The following PAQR5 variants were observed in gnomAD, a reference collection of about 807,000 sequenced individuals.
PAQR5 encodes progestin and adipoQ receptor family member 5, also known as membrane progestin receptor gamma.
PAQR5 carries 20 observed loss-of-function variants against 34.5 expected under a neutral mutation model. The observed-to-expected ratio is 0.58, with a 90% CI of 0.41 to 0.84. PAQR5 has a LOEUF of 0.84. PAQR5 is among the 40% of genes least tolerant of loss of function. The pLI is 0.00. For missense variants in PAQR5, 378 were observed against 412.7 expected, an observed-to-expected ratio of 0.92 and a Z score of 0.73; for synonymous variants, 131 against 155.6, an observed-to-expected ratio of 0.84 and a Z score of 1.18.
intron 2 of PAQR5, among the ~76,000 whole-genome samples, chr15:69,339,840 G>A (rs937561467): frequency 6.6e-6 from 1 of 151,932 alleles, no homozygotes; most frequent in African/African-American, 2.4e-5. Flanking sequence ...ATGGCTCTTC[G>A]TAATCAATAC....
chr15:69,341,043 TTA>T (rs2054627083), intron 2 of PAQR5, among the ~76,000 whole-genome samples: 1 of 152,220 alleles, frequency 6.6e-6, no homozygotes, highest in Non-Finnish European at 1.5e-5. Flanking sequence ...TGCTAAGCAC[TTA>T]AAAATGTGTA....
intron 3 of PAQR5, among the ~76,000 whole-genome samples, chr15:69,361,067 A>T (rs931228210): frequency 2.0e-5 from 3 of 152,190 alleles, no homozygotes; most frequent in Non-Finnish European, 4.4e-5. Context: ...GGGTGAGCTG[A>T]GGAATGTGGC....
intron 2 of PAQR5, among the ~76,000 whole-genome samples, chr15:69,345,874 A>T (rs940290289): frequency 1.8e-4 from 28 of 152,192 alleles, no homozygotes; most frequent in African/African-American, 6.5e-4. Flanking sequence ...TCAAGGCTGC[A>T]GTGTGCTGTG....
chr15:69,328,100 GA>G (rs1202221174), intron 1 of PAQR5, among the ~76,000 whole-genome samples: 2 of 152,138 alleles, frequency 1.3e-5, no homozygotes, highest in Non-Finnish European at 2.9e-5. Context: ...CTTCTATAAT[GA>G]AAATAGATCC....
At chr15:69,306,261 G>T (rs1004278293) in intron 1 of PAQR5, among the ~76,000 whole-genome samples, 1 of 152,080 alleles carries the variant, frequency 6.6e-6, no homozygotes, top group Non-Finnish European at 1.5e-5. Context: ...GCAGCTTCCC[G>T]AGAGGAAGAG....
At chr15:69,384,192 G>A (rs1448797504) in intron 4 of PAQR5, among the ~76,000 whole-genome samples, 4 of 135,834 alleles carry the variant, frequency 2.9e-5, no homozygotes, top group Non-Finnish European at 4.7e-5. Flanking sequence ...CTGTTTTCAC[G>A]GTGGAGGGTG....
Position 69,378,458 on chromosome 15 carries a change from A to AAAAAAAG in PAQR5, c.52-1424_52-1423insAAAAAGA, listed in dbSNP as rs1337532462. 4.4e-4 allele frequency among the ~76,000 whole-genome samples: 63 copies of AAAAAAAG among 143,822 alleles called. 1 individual carries two copies. The highest frequency in any genetic ancestry group is 1.6e-3 in the African/African-American group (59 of 35,892). 94.4% of individuals were successfully genotyped at this position (143,822 alleles called of 152,430 possible). A position where few individuals can be genotyped will look rare whatever the true frequency, so the allele number is the denominator to read the frequency against. The stretch of plus-strand genomic sequence containing the variant: ...TCTCAAAAAAAAAAAAAAAAAAAAA[A>AAAAAAAG]AGAGAGAGAGAGATAGCACAGACTC... On this transcript the variant is annotated intron_variant, in intron 3 of 8. Coordinates refer to ENST00000395407, the MANE Select transcript of PAQR5 (RefSeq NM_017705.4).
chr15:69,397,105 T>TTCCCCCA, intron 6 of PAQR5: 4 of 441,302 alleles, frequency 9.1e-6, no homozygotes, highest in South Asian at 1.6e-5. Context: ...ATCCCCCGAT[T>TTCCCCCA]CCCCCTACCC....
intron 2 of PAQR5, among the ~76,000 whole-genome samples, chr15:69,345,092 G>A (rs561777243): frequency 4.9e-4 from 73 of 150,442 alleles, no homozygotes; most frequent in African/African-American, 1.4e-3. Flanking sequence ...AGACCCTGTC[G>A]TGAAAGAAAA....
In PAQR5 at chr15:69,405,075, A is replaced by G; in HGVS notation, c.*1253A>G. 2.5e-6 allele frequency: 1 copy of G among 398,500 alleles called. No individual in the cohort carries two copies. The highest frequency in any genetic ancestry group is 3.6e-5 in the East Asian group (1 of 28,070). 24.7% of individuals were successfully genotyped at this position (398,500 alleles called of 1,614,324 possible). A position where few individuals can be genotyped will look rare whatever the true frequency, so the allele number is the denominator to read the frequency against. ...CTCATTTTATGTTCCAGCGTTTTCT[A>G]CTCTGAATAGTTCTAAAACACTGAG... On this transcript the variant is annotated 3_prime_UTR_variant, in exon 9 of 9. Transcript: ENST00000395407.
intron 2 of PAQR5, among the ~76,000 whole-genome samples, chr15:69,351,653 G>A (rs2054923125): frequency 6.6e-6 from 1 of 152,156 alleles, no homozygotes; most frequent in Non-Finnish European, 1.5e-5. Flanking sequence ...AGATCATGCT[G>A]GCCCATTACA....
intron 1 of PAQR5, among the ~76,000 whole-genome samples, chr15:69,328,820 G>A (rs1391142193): frequency 6.6e-6 from 1 of 152,230 alleles, no homozygotes; most frequent in African/African-American, 2.4e-5. Context: ...CTTGGGTGCG[G>A]ACTTTACCCA....
At chr15:69,311,042 AAAT>A (rs1350970918) in intron 1 of PAQR5, among the ~76,000 whole-genome samples, 2,392 of 109,994 alleles carry the variant, frequency 0.022, 426 homozygotes, top group East Asian at 0.11. Context: ...CCGTCGCAAA[AAAT>A]AAAAAAAAAA....
At chr15:69,306,714 T>C (rs1176301301) in intron 1 of PAQR5, among the ~76,000 whole-genome samples, 3 of 152,178 alleles carry the variant, frequency 2.0e-5, no homozygotes, top group Non-Finnish European at 4.4e-5. Flanking sequence ...ATTTAACCAT[T>C]TTTTAAGTCT....
rs561920385 is a variant in PAQR5, at chr15:69,332,403, G to A, written c.-276-4938G>A. ...AGAGCTTAACCTTTTGACCATGTGG[G>A]GATACTTTCTCTTGGTTTCTGCCAT... On this transcript the variant is annotated intron_variant, in intron 1 of 8. Transcript: ENST00000395407. Among the ~76,000 whole-genome samples the A allele has an allele frequency of 2.0e-5, 3 of 152,138 alleles. No homozygotes were observed. The South Asian group carries it at 6.2e-4, about 32-fold the overall frequency.
intron 3 of PAQR5, among the ~76,000 whole-genome samples, chr15:69,367,955 C>T (rs1377218443): frequency 1.3e-5 from 2 of 152,224 alleles, no homozygotes; most frequent in Non-Finnish European, 1.5e-5. Flanking sequence ...AACTAGTGCC[C>T]GTTGGCCAAA....
At position 69,397,561 on chromosome 15, in the gene PAQR5, C is replaced by T. The variant is rs2056481750; in HGVS notation, c.606C>T (p.Tyr202=). ...PYTWDSLPIF[Y]RLFLFPGESA... is the part of the protein sequence containing the mutation. ...CCTGGGACTCCCTCCCCATCTTCTA[C>T]AGGGTAAGGACTGGCTGCATCTCCT... The change falls in exon 7 of 9, where the codon TAC becomes TAT. Residue 202 remains tyrosine, a synonymous_variant. Transcript: ENST00000395407. 6.3e-7 allele frequency: 1 copy of T among 1,595,764 alleles called. No homozygotes were observed. Among genetic ancestry groups the T allele is most frequent in the African/African-American group, 1.3e-5 (1 of 74,542 alleles).
In PAQR5 at chr15:69,394,391, C is replaced by A. The variant is rs1049748741; in HGVS notation, c.513-3077C>A. On this transcript the variant is annotated intron_variant, in intron 6 of 8. Coordinates refer to ENST00000395407, the MANE Select transcript of PAQR5 (RefSeq NM_017705.4). Reference sequence around the variant, plus strand: ...GCATGGGGAAATGTCTACATCCCTGCAGTTCTCCAAAATAAGACAACTCCT... The same window carrying A: ...GCATGGGGAAATGTCTACATCCCTGAAGTTCTCCAAAATAAGACAACTCCT... Among the ~76,000 whole-genome samples the A allele has an allele frequency of 2.9e-4, 44 of 152,240 alleles. 1 individual carries two copies. The highest frequency in any genetic ancestry group is 6.5e-5 in the Admixed American group (1 of 15,296).
intron 1 of PAQR5, among the ~76,000 whole-genome samples, chr15:69,310,380 C>G (rs534784845): frequency 1.3e-5 from 2 of 152,318 alleles, no homozygotes; most frequent in South Asian, 4.1e-4. Flanking sequence ...GATGAGAATA[C>G]TCATTTACCA....
Sources: gnomAD v4.1 joint callset for allele counts (sites outside exome capture counted in the v4.1 genomes callset) on GRCh38, gnomAD v4.1.1 for gene constraint, MANE v1.5 for transcripts, NCBI Gene and HGNC (gene_info 2026-07-23, HGNC 2026-07-21) for gene names.